The following CR1L variants were observed in gnomAD, a reference collection of about 807,000 sequenced individuals.
CR1L encodes complement C3b/C4b receptor 1 like, also known as complement component receptor 1-like protein.
Under a neutral mutation model 62.3 loss-of-function variants are expected in CR1L, and 59 were observed. The observed-to-expected ratio is 0.95, with a 90% CI of 0.77 to 1.18. The LOEUF is 1.18. Among genes scored for constraint, CR1L ranks in the 50% most tolerant of loss-of-function variants. The probability of loss-of-function intolerance (pLI) is 0.00; values close to 1 mark genes in which losing one functional copy is unlikely to be tolerated. For missense variants in CR1L, 700 were observed against 702.8 expected, an observed-to-expected ratio of 1.00 and a Z score of 0.04; for synonymous variants, 279 against 248.7, an observed-to-expected ratio of 1.12 and a Z score of -1.15.
intron 1 of CR1L, among the ~76,000 whole-genome samples, chr1:207,671,703 C>A (rs908787496): frequency 6.6e-6 from 1 of 150,832 alleles, no homozygotes; most frequent in Non-Finnish European, 1.5e-5. Flanking sequence ...GGGTAGATAA[C>A]TTGAGGTCAG....
intron 1 of CR1L, among the ~76,000 whole-genome samples, chr1:207,676,061 G>A (rs1380066263): frequency 2.6e-5 from 4 of 152,106 alleles, no homozygotes; most frequent in African/African-American, 9.7e-5. Context: ...AAATGCATGA[G>A]TGTATCTTAC....
At position 207,677,411 on chromosome 1, in the gene CR1L, G is replaced by T; in HGVS notation, c.120G>T (p.Trp40Cys). ...CAGATCAATGCAATGTCCCGGAATG[G>T]CTTCCATTTGCCAGGCCTACCAACC... is the stretch of plus-strand genomic sequence containing the variant. ...SFSDQCNVPE[W>C]LPFARPTNLT... Residue 40 changes from tryptophan to cysteine, a missense_variant, in exon 2 of 12, where the codon TGG becomes TGT. Trp to Cys is a radical substitution (Grantham distance 215). Transcript: ENST00000508064. 5 of 1,612,136 alleles carry T rather than the reference G, an allele frequency of 3.1e-6. No individual in the cohort carries two copies. The highest frequency in any genetic ancestry group is 4.2e-6 in the Non-Finnish European group (5 of 1,179,222).
At chr1:207,706,394 C>A (rs1014254663) in intron 9 of CR1L, among the ~76,000 whole-genome samples, 3 of 151,704 alleles carry the variant, frequency 2.0e-5, no homozygotes, top group Admixed American at 2.0e-4. Flanking sequence ...GCACTCCAGC[C>A]TGGATGACAG....
intron 1 of CR1L, among the ~76,000 whole-genome samples, chr1:207,655,470 G>C (rs984911889): frequency 2.6e-5 from 4 of 151,966 alleles, no homozygotes; most frequent in African/African-American, 9.7e-5. Flanking sequence ...GATTCTTTTT[G>C]TTTTTGTTTT....
intron 3 of CR1L, among the ~76,000 whole-genome samples, chr1:207,681,681 C>G (rs1394417749): frequency 2.0e-5 from 3 of 152,148 alleles, no homozygotes; most frequent in Non-Finnish European, 4.4e-5. Flanking sequence ...ACTTGCTTCA[C>G]CATTCCTATC....
chr1:207,682,413 A>T (rs1337830855), intron 3 of CR1L, among the ~76,000 whole-genome samples: 2 of 152,142 alleles, frequency 1.3e-5, no homozygotes, highest in Non-Finnish European at 2.9e-5. Flanking sequence ...TGGAGGTTGC[A>T]GTGACATTGC....
At chr1:207,686,922 T>G (rs1663920410) in intron 4 of CR1L, among the ~76,000 whole-genome samples, 1 of 152,168 alleles carries the variant, frequency 6.6e-6, no homozygotes, top group Non-Finnish European at 1.5e-5. Context: ...TGGGAAGAAA[T>G]GCTGAATCTG....
chr1:207,683,537 ATATG>A (rs1343022367), intron 3 of CR1L, among the ~76,000 whole-genome samples: 2 of 152,204 alleles, frequency 1.3e-5, no homozygotes, highest in African/African-American at 2.4e-5. Flanking sequence ...ACACACATAC[ATATG>A]TATATATATG....
intron 10 of CR1L, among the ~76,000 whole-genome samples, chr1:207,712,439 C>G (rs1265978137): frequency 6.6e-6 from 1 of 152,204 alleles, no homozygotes. Flanking sequence ...CTACCTTTTA[C>G]TAACTATGAG....
In CR1L at chr1:207,701,607, T is replaced by C. The variant is rs540754057; in HGVS notation, c.1317T>C (p.Ser439=). 1.4e-5 allele frequency: 22 copies of C among 1,613,770 alleles called. No homozygotes were observed. The Admixed American group carries it at 2.5e-4, about 18-fold the overall frequency. ...ATGTTGGATCCAGAATCAACTATTC[T>C]TGTACTACAGGGTGAGTTGGCAGCA... is the stretch of plus-strand genomic sequence containing the variant. ...DIHVGSRINY[S]CTTGHRLIGH... Residue 439 remains serine (S), a synonymous_variant, in exon 9 of 12, where the codon TCT becomes TCC. Coordinates refer to ENST00000508064, the MANE Select transcript of CR1L (RefSeq NM_175710.2).
chr1:207,672,002 A>G (rs892366595), intron 1 of CR1L, among the ~76,000 whole-genome samples: 9 of 150,996 alleles, frequency 6.0e-5, no homozygotes, highest in South Asian at 2.1e-4. Flanking sequence ...GAAGAAAGAC[A>G]ACAAATAGAA....
At chr1:207,659,254 C>A (rs1663369518) in intron 1 of CR1L, 3 of 152,598 alleles carry the variant, frequency 2.0e-5, no homozygotes, top group Non-Finnish European at 1.5e-5. Context: ...CTGATTCCTG[C>A]ATGGTCTGCA....
In CR1L at chr1:207,646,147, A is replaced by T. The variant is rs116544071; in HGVS notation, c.97+817A>T. Among the ~76,000 whole-genome samples, 840 of 152,122 alleles carry T rather than the reference A, an allele frequency of 5.5e-3. 5 individuals carry two copies. The highest frequency in any genetic ancestry group is 0.01 in the Middle Eastern group (3 of 294). On this transcript the variant is annotated intron_variant, in intron 1 of 11. Coordinates refer to ENST00000508064, the MANE Select transcript of CR1L (RefSeq NM_175710.2). ...TGGGGGGTGGGTGGGCCATCGAGTC[A>T]TCTTCCTGTTCCCAACCAATATAGA...
In CR1L at chr1:207,698,973, G is replaced by C. The variant is rs539634572; in HGVS notation, c.1143-216G>C. The stretch of plus-strand genomic sequence containing the variant: ...TTTGTGACCACCTTTTTCAATTCAA[G>C]CAGGACTATCATGTGACCAAGCTAC... On this transcript the variant is annotated intron_variant, in intron 7 of 11. Transcript: ENST00000508064. Among the ~76,000 whole-genome samples the C allele has an allele frequency of 5.3e-5, 8 of 152,256 alleles. 1 individual carries two copies. Among genetic ancestry groups the C allele is most frequent in the Non-Finnish European group, 8.8e-5 (6 of 68,012 alleles).
In CR1L at chr1:207,718,115, A is replaced by G. The variant is rs1161042434; in HGVS notation, c.1642+424A>G. Among the ~76,000 whole-genome samples the G allele has an allele frequency of 8.5e-5, 13 of 152,374 alleles. No individual in the cohort carries two copies. In the East Asian group the frequency reaches 2.5e-3, roughly 29 times the overall value. On this transcript the variant is annotated intron_variant, in intron 11 of 11. Coordinates refer to ENST00000508064, the MANE Select transcript of CR1L (RefSeq NM_175710.2). ...TTACTTCAGAACTGATAACGCTATA[A>G]AAGTAATTTAAGAAATTCAGATGTA... is the stretch of plus-strand genomic sequence containing the variant.
At chr1:207,677,216 G>A (rs1356569897) in intron 1 of CR1L, among the ~76,000 whole-genome samples, 173 bp from the exon 2 acceptor site, 1 of 144,096 alleles carries the variant, frequency 6.9e-6, no homozygotes, top group Non-Finnish European at 1.5e-5. Context: ...CATCTACTCA[G>A]GAGGCTGAGG....
chr1:207,717,804 T>G lies in CR1L; in HGVS notation c.1642+113T>G. ...TGTGAAAATGGCTTTGCTGTAACTG[T>G]CAGAGACAGAACTACCTCCCAAGTG... On this transcript the variant is annotated intron_variant, in intron 11 of 11. Transcript: ENST00000508064. The G allele has an allele frequency of 3.1e-6, 4 of 1,309,116 alleles. No individual in the cohort carries two copies. The South Asian group carries it at 5.5e-5, about 18-fold the overall frequency. The allele number at this position is 1,309,116 out of a possible 1,614,324, so 81.1% of individuals were successfully genotyped here.
intron 4 of CR1L, among the ~76,000 whole-genome samples, chr1:207,688,055 T>G (rs930968098): frequency 2.0e-5 from 3 of 152,146 alleles, no homozygotes; most frequent in African/African-American, 7.2e-5. Flanking sequence ...GGAGGATTGC[T>G]TGAAGCCAGG....
chr1:207,653,185 A>AT (rs1663255987), intron 1 of CR1L: 1 of 160,638 alleles, frequency 6.2e-6, no homozygotes, highest in African/African-American at 2.4e-5. Context: ...ATGAGGGGTA[A>AT]GTAAGTTCCT....
Sources: allele counts gnomAD v4.1 joint callset (sites outside exome capture counted in the v4.1 genomes callset), GRCh38; gene constraint gnomAD v4.1.1; transcripts MANE v1.5; gene names NCBI Gene and HGNC (gene_info 2026-07-23, HGNC 2026-07-21).